The following ZNF836 variants were observed in gnomAD, a reference collection of about 807,000 sequenced individuals.
The protein encoded by ZNF836 is zinc finger protein 836.
Under a neutral mutation model 7.4 loss-of-function variants are expected in ZNF836, and 12 were observed. The observed-to-expected ratio is 1.61, with a 90% CI of 1.03 to 2.61. ZNF836 has a LOEUF of 2.61. ZNF836 is among the 30% of genes most tolerant of loss of function. ZNF836 has a pLI of 0.00. For missense variants in ZNF836, 998 were observed against 1,126.2 expected (o/e 0.89, Z 1.63); for synonymous variants, 365 against 382.6 (o/e 0.95, Z 0.54).
intron 3 of ZNF836, among the ~76,000 whole-genome samples, chr19:52,167,302 T>C (rs1370164469): frequency 6.6e-6 from 1 of 151,432 alleles, no homozygotes; most frequent in Non-Finnish European, 1.5e-5. Context: ...TGAAACCCCA[T>C]CTCTACTAAA....
At chr19:52,168,398 G>A (rs113669678) in intron 2 of ZNF836, among the ~76,000 whole-genome samples, 1,951 of 152,186 alleles carry the variant, frequency 0.013, 19 homozygotes, top group Non-Finnish European at 0.018. Flanking sequence ...GAGCATCCTG[G>A]CCAACACAGT....
intron 3 of ZNF836, among the ~76,000 whole-genome samples, chr19:52,165,687 C>T (rs2089256754): frequency 1.3e-5 from 2 of 152,286 alleles, no homozygotes; most frequent in South Asian, 2.1e-4. Flanking sequence ...TGGTGCATTT[C>T]CTGCTTTGCT....
In ZNF836 at chr19:52,168,087, C is replaced by T. The variant is rs2089281003; in HGVS notation, c.-15G>A. 1.2e-6 allele frequency: 2 copies of T among 1,612,134 alleles called. No homozygotes were observed. Among genetic ancestry groups the T allele is most frequent in the Non-Finnish European group, 1.7e-6 (2 of 1,178,886 alleles). ...GTAAGAGCCATCCCTGACTCCTTTT[C>T]TTTCCTCTTCTTCCTCTTCTGGGCT... On this transcript the variant is annotated 5_prime_UTR_variant, in exon 3 of 5. Transcript: ENST00000682614.
rs2089159246 is a variant in ZNF836 at position 52,156,345 on chromosome 19, T to C, written c.1338A>G (p.Val446=). Residue 446 remains valine (V), a synonymous_variant, in exon 5 of 5, where the codon GTA becomes GTG. Coordinates refer to ENST00000682614, the MANE Select transcript of ZNF836 (RefSeq NM_001102657.3). The part of the protein sequence containing the change: ...HTGEKPYTCD[V]CDKVFSQRSQ... ...AACGTTGACTGAAGACCTTGTCGCA[T>C]ACATCACATGTATATGGTTTCTCTC... 5.0e-6 allele frequency: 8 copies of C among 1,614,080 alleles called. No homozygotes were observed. Among genetic ancestry groups the C allele is most frequent in the Non-Finnish European group, 5.1e-6 (6 of 1,180,038 alleles).
chr19:52,167,997 C>T (rs1394024666), intron 3 of ZNF836, 61 bp downstream of exon 3: 1 of 1,328,900 alleles, frequency 7.5e-7, no homozygotes. Flanking sequence ...ATTCGCAACT[C>T]CAATGTGTCG....
chr19:52,158,722 G>A (rs1401801089), intron 4 of ZNF836, among the ~76,000 whole-genome samples: 1 of 152,066 alleles, frequency 6.6e-6, no homozygotes, highest in Non-Finnish European at 1.5e-5. Context: ...CAGTCTGGGT[G>A]ACAGAGCAAG....
intron 4 of ZNF836, among the ~76,000 whole-genome samples, chr19:52,159,311 A>T (rs1211229836): frequency 6.6e-6 from 1 of 152,244 alleles, no homozygotes; most frequent in African/African-American, 2.4e-5. Flanking sequence ...AACTTGTTTT[A>T]AAAAATCTTA....
intron 3 of ZNF836, among the ~76,000 whole-genome samples, chr19:52,164,318 A>G (rs1175920523): frequency 1.3e-5 from 2 of 150,816 alleles, no homozygotes; most frequent in Non-Finnish European, 3.0e-5. Flanking sequence ...GCTTGAACCC[A>G]GGAGGCAGAG....
At chr19:52,166,575 CT>C (rs56320677) in intron 3 of ZNF836, among the ~76,000 whole-genome samples, 118 of 133,172 alleles carry the variant, frequency 8.9e-4, no homozygotes, top group African/African-American at 2.1e-3. Context: ...GTACCAACTT[CT>C]TTTTTTTTTT....
rs2089232864 is a variant in ZNF836, at chr19:52,163,545, T to A, written c.16-2954A>T. Among the ~76,000 whole-genome samples the A allele has an allele frequency of 1.3e-4, 19 of 151,626 alleles. 1 individual carries two copies. In the South Asian group the frequency reaches 2.7e-3, roughly 22 times the overall value. On this transcript the variant is annotated intron_variant, in intron 3 of 4. Coordinates refer to ENST00000682614, the MANE Select transcript of ZNF836 (RefSeq NM_001102657.3). ...ATCCCAGCACTTTGGGAGGCCGAGG[T>A]GGGCGGATCACAAGGTCAAGAGATC...
rs2089135702 is a variant in ZNF836 at position 52,154,824 on chromosome 19, A to T, written c.*48T>A. Reference sequence around the variant, plus strand: ...AAAGGGGATTAAAATTCCACATGAGATTTCAGACGGAAGTGACAAATATAC... The same window carrying T: ...AAAGGGGATTAAAATTCCACATGAGTTTTCAGACGGAAGTGACAAATATAC... On this transcript the variant is annotated 3_prime_UTR_variant, in exon 5 of 5. Transcript: ENST00000682614. 7.0e-7 allele frequency: 1 copy of T among 1,428,566 alleles called. No homozygotes were observed. The highest frequency in any genetic ancestry group is 2.9e-5 in the Admixed American group (1 of 34,002). The allele number at this position is 1,428,566 out of a possible 1,614,324, so 88.5% of individuals were successfully genotyped here. A position where few individuals can be genotyped will look rare whatever the true frequency, so the allele number is the denominator to read the frequency against.
chr19:52,156,396 G>C lies in ZNF836; in HGVS notation c.1287C>G (p.Leu429=), dbSNP rs374731235. The change falls in exon 5 of 5, where the codon CTC becomes CTG. Residue 429 remains leucine (L), a synonymous_variant. Transcript: ENST00000682614. The part of the protein sequence containing the change: ...CGKTFKRSSS[L]TTHQIIHTGE... ...CTGTATGGATTATCTGATGTGTAGT[G>C]AGGCTGGAGCTCCGTTTAAAGGTTT... The C allele has an allele frequency of 5.8e-5, 94 of 1,614,042 alleles. No individual in the cohort carries two copies. The highest frequency in any genetic ancestry group is 7.8e-5 in the Non-Finnish European group (92 of 1,180,032).
chr19:52,155,849 A>T lies in ZNF836; in HGVS notation c.1834T>A (p.Cys612Ser), dbSNP rs777767141. The T allele has an allele frequency of 1.9e-6, 3 of 1,614,018 alleles. No individual in the cohort carries two copies. In the East Asian group the frequency reaches 6.7e-5, roughly 36 times the overall value. ...RIHTGQKPYK[C>S]NVCGKVFNDS... ...TTGAAGACCTTGCCACACACATTAC[A>T]TTTGTAAGGTTTCTGCCCAGTATGA... is the stretch of plus-strand genomic sequence containing the variant. Residue 612 changes from cysteine to serine, a missense_variant, in exon 5 of 5, where the codon TGT (cysteine) becomes AGT (serine). Cys to Ser is a moderately radical substitution (Grantham distance 112, BLOSUM62 -1). Coordinates refer to ENST00000682614, the MANE Select transcript of ZNF836 (RefSeq NM_001102657.3).
Position 52,154,936 on chromosome 19 carries a change from C to G in ZNF836, c.2747G>C (p.Ser916Thr). Residue 916 changes from serine (S) to threonine (T), a missense_variant, in exon 5 of 5, where the codon AGT becomes ACT. Ser to Thr is a moderately conservative substitution (Grantham distance 58, BLOSUM62 1). Coordinates refer to ENST00000682614, the MANE Select transcript of ZNF836 (RefSeq NM_001102657.3). ...TTCCACATTGAATTTTGTTTTAAGA[C>G]TCTCTGCAGTATGTTTTGTCTGATG... ...TKHQTKHTAE[S>T]LKTKFNVEKP... is the part of the protein sequence containing the mutation. 1 of 1,563,502 alleles carries G rather than the reference C, an allele frequency of 6.4e-7. No homozygotes were observed. The highest frequency in any genetic ancestry group is 8.6e-7 in the Non-Finnish European group (1 of 1,157,290).
intron 3 of ZNF836, among the ~76,000 whole-genome samples, chr19:52,166,527 T>G (rs1310456610): frequency 1.3e-5 from 2 of 151,662 alleles, no homozygotes; most frequent in Admixed American, 1.3e-4. Flanking sequence ...ATGAATTTCA[T>G]ATATAATAAA....
At position 52,157,512 on chromosome 19, in the gene ZNF836, T is replaced by A. The variant is rs781127542; in HGVS notation, c.171A>T (p.Glu57Asp). ...LGILPKCMTK[E>D]LPPIGNSNTG... ...TATTACTGTTCCCTATTGGTGGTAA[T>A]TCCTTGGTCATACATTTAGGAAGGA... The change falls in exon 5 of 5, where the codon GAA becomes GAT. Residue 57 changes from glutamate (E) to aspartate (D), a missense_variant. Coordinates refer to ENST00000682614, the MANE Select transcript of ZNF836 (RefSeq NM_001102657.3). 6.5e-7 allele frequency: 1 copy of A among 1,542,264 alleles called. No homozygotes were observed. The highest frequency in any genetic ancestry group is 1.3e-5 in the South Asian group (1 of 78,250).
intron 2 of ZNF836, among the ~76,000 whole-genome samples, chr19:52,169,444 T>C (rs2122234283): frequency 6.6e-6 from 1 of 152,222 alleles, no homozygotes; most frequent in East Asian, 1.9e-4. Flanking sequence ...CCAGGCGTGG[T>C]GGCACATGCC....
intron 3 of ZNF836, among the ~76,000 whole-genome samples, chr19:52,162,402 G>C (rs1398621667): frequency 1.3e-5 from 2 of 152,344 alleles, no homozygotes; most frequent in Non-Finnish European, 2.9e-5. Context: ...TTGAAATCTA[G>C]ATGGAAGTAA....
chr19:52,166,296 C>T (rs2089263390), intron 3 of ZNF836, among the ~76,000 whole-genome samples: 1 of 151,660 alleles, frequency 6.6e-6, no homozygotes, highest in Non-Finnish European at 1.5e-5. Flanking sequence ...GGCCAATGTC[C>T]TTTTTTAAGA....
Sources: allele counts gnomAD v4.1 joint callset (sites outside exome capture counted in the v4.1 genomes callset), GRCh38; gene constraint gnomAD v4.1.1; transcripts MANE v1.5; gene names NCBI Gene and HGNC (gene_info 2026-07-23, HGNC 2026-07-21).